Variants in CFAP54 observed in about 807,000 individuals in gnomAD.
The protein encoded by CFAP54 is cilia- and flagella-associated protein 54.
CFAP54 carries 290 observed loss-of-function variants against 370.4 expected under a neutral mutation model. The ratio of observed to expected loss-of-function variants is 0.78; its 90% CI spans 0.71 to 0.86. The LOEUF is 0.86. CFAP54 is among the 40% of genes least tolerant of loss of function. The probability of loss-of-function intolerance (pLI) is 0.00; values close to 1 mark genes in which losing one functional copy is unlikely to be tolerated. For missense variants in CFAP54, 3,399 were observed against 3,528.7 expected (o/e 0.96, Z 0.93); for synonymous variants, 1,206 against 1,236.5 (o/e 0.98, Z 0.52).
chr12:96,737,593 C>T (rs1007030665), intron 50 of CFAP54, among the ~76,000 whole-genome samples: 3 of 151,474 alleles, frequency 2.0e-5, no homozygotes, highest in Non-Finnish European at 2.9e-5. Flanking sequence ...GGGTTCAAAC[C>T]ATCCTCCTGC....
At chr12:96,691,012 A>G (rs1439436445) in intron 43 of CFAP54, 116 bp from the exon 44 acceptor site, 2 of 788,092 alleles carry the variant, frequency 2.5e-6, no homozygotes, top group Non-Finnish European at 4.0e-6. Context: ...TACAAAGTAC[A>G]GTGTGCTAGG....
chr12:96,618,846 C>T (rs1165922262), intron 26 of CFAP54, among the ~76,000 whole-genome samples: 1 of 152,128 alleles, frequency 6.6e-6, no homozygotes, highest in Admixed American at 6.6e-5. Flanking sequence ...TTTGGGGAAT[C>T]ATTGAAATCC....
At chr12:96,682,187 T>C in intron 40 of CFAP54, 2 of 985,632 alleles carry the variant, frequency 2.0e-6, no homozygotes, top group Non-Finnish European at 2.4e-6. Context: ...TCTGGAAAGG[T>C]GGAATTTTGC....
intron 33 of CFAP54, 112 bp downstream of exon 33, chr12:96,644,520 T>C: frequency 1.4e-6 from 1 of 740,082 alleles, no homozygotes. Flanking sequence ...ACAGAGTGCT[T>C]CTATCTTTAT....
chr12:96,651,319 T>C lies in CFAP54; in HGVS notation c.4873-269T>C, dbSNP rs34529971. ...GCTGAATTCCCAGCACCTAGAACAA[T>C]GGGTTAGCCACGCTGAACCCATGAC... On this transcript the variant is annotated intron_variant, in intron 35 of 67. Coordinates refer to ENST00000524981, the MANE Select transcript of CFAP54 (RefSeq NM_001306084.2). Among the ~76,000 whole-genome samples, 1,438 of 152,266 alleles carry C rather than the reference T, an allele frequency of 9.4e-3. 51 individuals are homozygous for C. In the East Asian group the frequency reaches 0.099, roughly 11 times the overall value.
At chr12:96,619,489 A>T (rs1956461451) in intron 26 of CFAP54, among the ~76,000 whole-genome samples, 1 of 151,998 alleles carries the variant, frequency 6.6e-6, no homozygotes, top group Admixed American at 6.6e-5. Context: ...TTTTTTTCTA[A>T]CATGCCACTT....
intron 1 of CFAP54, among the ~76,000 whole-genome samples, chr12:96,493,776 C>T (rs370941836): frequency 5.3e-5 from 8 of 151,908 alleles, no homozygotes; most frequent in Admixed American, 1.3e-4. Context: ...CCAGCCCAGG[C>T]GACAGAGTGA....
At chr12:96,826,768 TTA>T (rs1592790099) in intron 65 of CFAP54, among the ~76,000 whole-genome samples, 1 of 111,554 alleles carries the variant, frequency 9.0e-6, no homozygotes, top group East Asian at 2.4e-4. Flanking sequence ...TATTAATATA[TTA>T]TATAATATAT....
intron 5 of CFAP54, among the ~76,000 whole-genome samples, chr12:96,517,653 C>T (rs1955252369): frequency 2.0e-5 from 3 of 152,138 alleles, no homozygotes; most frequent in Admixed American, 2.0e-4. Flanking sequence ...GCAATGACAG[C>T]AACAACAAAA....
chr12:96,628,493 G>A (rs1331028869), intron 30 of CFAP54, among the ~76,000 whole-genome samples: 3 of 152,192 alleles, frequency 2.0e-5, no homozygotes, highest in African/African-American at 7.2e-5. Context: ...CACCCTGGTA[G>A]TGAGGGAGAG....
At chr12:96,546,845 C>G (rs1222231057) in intron 14 of CFAP54, among the ~76,000 whole-genome samples, 1 of 151,506 alleles carries the variant, frequency 6.6e-6, no homozygotes, top group East Asian at 1.9e-4. Flanking sequence ...AAAAACAACT[C>G]TATTTCTTAC....
intron 19 of CFAP54, among the ~76,000 whole-genome samples, chr12:96,571,645 G>A (rs1955918616): frequency 6.6e-6 from 1 of 152,176 alleles, no homozygotes; most frequent in Admixed American, 6.5e-5. Context: ...TGCTATTATA[G>A]ACAACATTCA....
chr12:96,664,965 C>A (rs1368807662), intron 39 of CFAP54, among the ~76,000 whole-genome samples: 1 of 151,738 alleles, frequency 6.6e-6, no homozygotes, highest in Non-Finnish European at 1.5e-5. Context: ...TTCTCCACAA[C>A]CTTGCCAGCA....
intron 22 of CFAP54, among the ~76,000 whole-genome samples, chr12:96,587,901 A>G (rs1311491463): frequency 1.5e-4 from 23 of 152,180 alleles, no homozygotes; most frequent in African/African-American, 4.8e-5. Flanking sequence ...TGGCTTCACT[A>G]TTTTTACTGA....
intron 5 of CFAP54, among the ~76,000 whole-genome samples, chr12:96,518,670 AGCAAGACTCT>A (rs1955267808): frequency 6.6e-6 from 1 of 152,222 alleles, no homozygotes; most frequent in African/African-American, 2.4e-5. Context: ...TGGGTGACAG[AGCAAGACTCT>A]GTCTAAAAAC....
intron 26 of CFAP54, among the ~76,000 whole-genome samples, chr12:96,613,049 C>G (rs988802744): frequency 2.6e-5 from 4 of 152,190 alleles, no homozygotes; most frequent in African/African-American, 9.7e-5. Context: ...ACTCTCCACC[C>G]CAAATCAACA....
chr12:96,811,353 T>C (rs947185334), intron 63 of CFAP54, among the ~76,000 whole-genome samples: 7 of 152,108 alleles, frequency 4.6e-5, no homozygotes, highest in African/African-American at 1.7e-4. Flanking sequence ...AGTGAACTCA[T>C]AGAAATGACT....
intron 5 of CFAP54, 62 bp downstream of exon 5, chr12:96,513,106 T>C: frequency 1.1e-6 from 1 of 907,954 alleles, no homozygotes; most frequent in Non-Finnish European, 1.6e-6. Flanking sequence ...TCTTAAGGCT[T>C]TCATTACACA....
chr12:96,591,383 A>T (rs191555358), intron 23 of CFAP54, among the ~76,000 whole-genome samples: 5 of 152,226 alleles, frequency 3.3e-5, no homozygotes, highest in East Asian at 1.9e-4. Flanking sequence ...ACAAGCAAAG[A>T]CCACTCATGT....
Sources: allele counts gnomAD v4.1 joint callset (sites outside exome capture counted in the v4.1 genomes callset), GRCh38; gene constraint gnomAD v4.1.1; transcripts MANE v1.5; gene names NCBI Gene and HGNC (gene_info 2026-07-23, HGNC 2026-07-21).